PLPPR1: variants seen among roughly 807,000 people sequenced by gnomAD.
PLPPR1 encodes phospholipid phosphatase related 1, also known as phospholipid phosphatase-related protein type 1.
Under a neutral mutation model 33.1 loss-of-function variants are expected in PLPPR1, and 10 were observed. The observed-to-expected ratio is 0.30, with a 90% CI of 0.19 to 0.51. The LOEUF is 0.51. PLPPR1 is among the 20% of genes least tolerant of loss of function. The pLI is 0.97. For synonymous variants in PLPPR1, 151 were observed against 151.0 expected (o/e 1.00, Z 0.00); for missense variants, 304 against 408.1 (o/e 0.74, Z 2.20).
At chr9:101,164,587 C>T (rs143680874) in intron 1 of PLPPR1, among the ~76,000 whole-genome samples, 223 of 152,024 alleles carry the variant, frequency 1.5e-3, no homozygotes, top group Middle Eastern at 6.8e-3. Flanking sequence ...AGACTGGTCT[C>T]GAACTCCTGG....
intron 1 of PLPPR1, among the ~76,000 whole-genome samples, chr9:101,144,344 A>G (rs1407502305): frequency 6.6e-6 from 1 of 152,170 alleles, no homozygotes; most frequent in East Asian, 1.9e-4. Context: ...GCACACCAAC[A>G]TGGCACATGT....
chr9:101,154,635 T>A (rs186720531), intron 1 of PLPPR1, among the ~76,000 whole-genome samples: 1 of 152,274 alleles, frequency 6.6e-6, no homozygotes, highest in Non-Finnish European at 1.5e-5. Flanking sequence ...GGATTATGAA[T>A]CGTGCTGCTA....
intron 1 of PLPPR1, among the ~76,000 whole-genome samples, chr9:101,178,173 C>G (rs977264665): frequency 1.3e-5 from 2 of 152,178 alleles, no homozygotes; most frequent in Non-Finnish European, 2.9e-5. Context: ...CTTTCCCCAG[C>G]CACCCATGTC....
At chr9:101,246,091 T>TAGATAGATAG (rs1479286575) in intron 2 of PLPPR1, among the ~76,000 whole-genome samples, 23 of 110,096 alleles carry the variant, frequency 2.1e-4, no homozygotes, top group African/African-American at 5.0e-4. Context: ...TATATATATA[T>TAGATAGATAG]ATATATATAT....
chr9:101,282,125 A>T (rs1362300386), intron 3 of PLPPR1, among the ~76,000 whole-genome samples: 1 of 152,194 alleles, frequency 6.6e-6, no homozygotes, highest in Non-Finnish European at 1.5e-5. Flanking sequence ...ACAACAACAC[A>T]GGTCAACATT....
At chr9:101,068,950 A>G (rs2118483454) in intron 1 of PLPPR1, among the ~76,000 whole-genome samples, 1 of 152,226 alleles carries the variant, frequency 6.6e-6, no homozygotes, top group South Asian at 2.1e-4. Flanking sequence ...CAAATGTTTT[A>G]CAAAACAAAA....
At chr9:101,098,113 A>G (rs1210877540) in intron 1 of PLPPR1, among the ~76,000 whole-genome samples, 2 of 152,102 alleles carry the variant, frequency 1.3e-5, no homozygotes, top group Non-Finnish European at 2.9e-5. Context: ...GTGTTCAGAA[A>G]TATCACTCTG....
At chr9:101,181,444 C>A (rs1826108506) in intron 1 of PLPPR1, among the ~76,000 whole-genome samples, 1 of 150,642 alleles carries the variant, frequency 6.6e-6, no homozygotes, top group African/African-American at 2.4e-5. Context: ...ATCATATTAT[C>A]CAGTAATCCC....
intron 5 of PLPPR1, among the ~76,000 whole-genome samples, chr9:101,311,339 T>A (rs1424827502): frequency 2.6e-5 from 4 of 152,172 alleles, no homozygotes; most frequent in Non-Finnish European, 5.9e-5. Flanking sequence ...AACCCTGATA[T>A]AAGATTCCAA....
intron 1 of PLPPR1, among the ~76,000 whole-genome samples, chr9:101,101,859 G>C (rs1367484855): frequency 6.6e-6 from 1 of 152,118 alleles, no homozygotes; most frequent in Non-Finnish European, 1.5e-5. Flanking sequence ...CCACAAAGCA[G>C]ATGAGCTCCT....
chr9:101,126,550 C>G (rs1831248620), intron 1 of PLPPR1, among the ~76,000 whole-genome samples: 1 of 152,170 alleles, frequency 6.6e-6, no homozygotes, highest in Non-Finnish European at 1.5e-5. Flanking sequence ...TTGAGGTGCC[C>G]TCTGAATAAA....
At chr9:101,034,049 GA>G (rs5899424) in intron 1 of PLPPR1, among the ~76,000 whole-genome samples, 102,983 of 150,704 alleles carry the variant, frequency 0.68, 35,433 homozygotes, top group East Asian at 0.92. Flanking sequence ...GGAATGGGAG[GA>G]AAAAAAAAAC....
intron 6 of PLPPR1, among the ~76,000 whole-genome samples, chr9:101,315,374 A>G (rs1489336406): frequency 6.6e-6 from 1 of 152,298 alleles, no homozygotes; most frequent in South Asian, 2.1e-4. Context: ...AAGACAAACA[A>G]TGTTGCTGAC....
At chr9:101,294,624 C>A (rs1450934931) in intron 4 of PLPPR1, among the ~76,000 whole-genome samples, 1 of 152,098 alleles carries the variant, frequency 6.6e-6, no homozygotes, top group African/African-American at 2.4e-5. Flanking sequence ...GGGCTTCATC[C>A]CTGGGATGCA....
intron 2 of PLPPR1, among the ~76,000 whole-genome samples, chr9:101,192,445 T>C (rs1408676969): frequency 3.3e-5 from 5 of 152,166 alleles, no homozygotes; most frequent in African/African-American, 1.2e-4. Flanking sequence ...CATTTATTGC[T>C]AGTATAAACT....
At chr9:101,274,887 C>A (rs759939531) in intron 3 of PLPPR1, among the ~76,000 whole-genome samples, 27 of 152,056 alleles carry the variant, frequency 1.8e-4, no homozygotes, top group Non-Finnish European at 8.8e-5. Context: ...TCATCTGTAC[C>A]CAAAAGAAAT....
intron 1 of PLPPR1, among the ~76,000 whole-genome samples, chr9:101,094,848 C>CT (rs1399674173): frequency 6.6e-6 from 1 of 152,140 alleles, no homozygotes; most frequent in Non-Finnish European, 1.5e-5. Flanking sequence ...CTTGCTTCCA[C>CT]TTTTTTCAGC....
chr9:101,036,357 C>T (rs779920565), intron 1 of PLPPR1, among the ~76,000 whole-genome samples: 27 of 152,048 alleles, frequency 1.8e-4, no homozygotes, highest in African/African-American at 3.6e-4. Flanking sequence ...GGTCAATAAA[C>T]GTTATATTCA....
intron 4 of PLPPR1, among the ~76,000 whole-genome samples, chr9:101,289,810 G>A (rs992862282): frequency 1.3e-5 from 2 of 152,136 alleles, no homozygotes; most frequent in African/African-American, 4.8e-5. Context: ...CCAACCTCAG[G>A]TATGTCTTTA....
Sources: allele counts gnomAD v4.1 joint callset (sites outside exome capture counted in the v4.1 genomes callset), GRCh38; gene constraint gnomAD v4.1.1; transcripts MANE v1.5; gene names NCBI Gene and HGNC (gene_info 2026-07-23, HGNC 2026-07-21).